The following HUS1 variants were observed in gnomAD, a reference collection of about 807,000 sequenced individuals.
HUS1 encodes HUS1 checkpoint clamp component, also known as checkpoint protein HUS1.
Under a neutral mutation model 32.6 loss-of-function variants are expected in HUS1, and 31 were observed. That is an observed-to-expected ratio of 0.95 (90% CI 0.72 to 1.28). HUS1 has a LOEUF of 1.28. Ranked by LOEUF, HUS1 falls within the 50% of genes most tolerant of loss-of-function variation. The pLI, the probability that HUS1 is intolerant of heterozygous loss-of-function variation, is 0.00. For missense variants in HUS1, 340 were observed against 337.7 expected (o/e 1.01, Z -0.05); for synonymous variants, 123 against 116.6 (o/e 1.06, Z -0.36).
At position 47,979,591 on chromosome 7, in the gene HUS1, C is replaced by A. The variant is rs574652177; in HGVS notation, c.-72G>T. 14 of 1,219,372 alleles carry A rather than the reference C, an allele frequency of 1.1e-5. No homozygotes were observed. Among genetic ancestry groups the A allele is most frequent in the Non-Finnish European group, 1.6e-5 (13 of 830,524 alleles). 75.5% of individuals were successfully genotyped at this position (1,219,372 alleles called of 1,614,324 possible). A position where few individuals can be genotyped will look rare whatever the true frequency, so the allele number is the denominator to read the frequency against. ...AGCGTCGCGCCCTGAGTGTCCCCGC[C>A]CGGAAACACGGCAGCGCGAACAGTG... On this transcript the variant is annotated 5_prime_UTR_variant, in exon 1 of 8. Coordinates refer to ENST00000258774, the MANE Select transcript of HUS1 (RefSeq NM_004507.4).
chr7:47,970,040 T>C (rs899248043), intron 5 of HUS1, among the ~76,000 whole-genome samples: 3 of 151,730 alleles, frequency 2.0e-5, no homozygotes, highest in Non-Finnish European at 1.5e-5. Context: ...AAGACCATCC[T>C]GGCTAACACG....
At chr7:47,973,981 T>C (rs1376830643) in intron 5 of HUS1, among the ~76,000 whole-genome samples, 1 of 152,182 alleles carries the variant, frequency 6.6e-6, no homozygotes, top group Non-Finnish European at 1.5e-5. Flanking sequence ...CAGTCACAGG[T>C]GACACCAACG....
intron 1 of HUS1, 57 bp downstream of exon 1, chr7:47,979,411 G>T (rs1228900101): frequency 1.3e-6 from 2 of 1,495,204 alleles, no homozygotes; most frequent in Non-Finnish European, 1.8e-6. Flanking sequence ...GGTCCCCACC[G>T]CGCGCTCACT....
At position 47,963,561 on chromosome 7, in the gene HUS1, G is replaced by A. The variant is rs1424359726; in HGVS notation, c.*1795C>T. 2 of 152,108 alleles carry A rather than the reference G, an allele frequency of 1.3e-5. No homozygotes were observed. Among genetic ancestry groups the A allele is most frequent in the Admixed American group, 6.5e-5 (1 of 15,284 alleles). The allele number at this position is 152,108 out of a possible 1,614,324, so 9.4% of individuals were successfully genotyped here. A position where few individuals can be genotyped will look rare whatever the true frequency, so the allele number is the denominator to read the frequency against. ...GGAGGAAGGGTTTAAAAATTAAAAC[G>A]GTGTCTTCTAATTTTAAAATGTTAA... On this transcript the variant is annotated 3_prime_UTR_variant, in exon 8 of 8. Coordinates refer to ENST00000258774, the MANE Select transcript of HUS1 (RefSeq NM_004507.4).
At chr7:47,970,598 G>C (rs1214028852) in intron 5 of HUS1, among the ~76,000 whole-genome samples, 2 of 152,182 alleles carry the variant, frequency 1.3e-5, no homozygotes, top group Non-Finnish European at 2.9e-5. Context: ...CACTGGAAAA[G>C]AAATGCTATC....
In HUS1 at chr7:47,964,557, G is replaced by T. The variant is rs1421839164; in HGVS notation, c.*799C>A. On this transcript the variant is annotated 3_prime_UTR_variant, in exon 8 of 8. Transcript: ENST00000258774. Reference sequence around the variant, plus strand: ...AAATATGGTCTCATCACTTAACACAGATGATACCTTAGAAGTTTCGTTTGT... The same window carrying T: ...AAATATGGTCTCATCACTTAACACATATGATACCTTAGAAGTTTCGTTTGT... 6.6e-6 allele frequency: 1 copy of T among 152,184 alleles called. No individual in the cohort carries two copies. The highest frequency in any genetic ancestry group is 1.5e-5 in the Non-Finnish European group (1 of 68,042). 9.4% of individuals were successfully genotyped at this position (152,184 alleles called of 1,614,324 possible). A position where few individuals can be genotyped will look rare whatever the true frequency, so the allele number is the denominator to read the frequency against.
At chr7:47,976,625 T>C in intron 4 of HUS1, 105 bp downstream of exon 4, 4 of 747,816 alleles carry the variant, frequency 5.3e-6, no homozygotes, top group South Asian at 3.0e-5. Flanking sequence ...TTTCGTTAAG[T>C]ATCCTTTAAA....
chr7:47,973,372 C>G (rs1213820159), intron 5 of HUS1, among the ~76,000 whole-genome samples: 1 of 152,210 alleles, frequency 6.6e-6, no homozygotes, highest in Non-Finnish European at 1.5e-5. Flanking sequence ...CCTCCCAAAT[C>G]AGAACCTGCA....
Position 47,975,620 on chromosome 7 carries a change from T to C in HUS1, c.533A>G (p.Asn178Ser). ...AAAGAAGTTGTGACTTACAAGGTGA[T>C]TGCTGATGTTTTTCATTTTTTCCAC... is the stretch of plus-strand genomic sequence containing the variant. ...SVVEKMKNISNHLVIEANLDG... is the reference protein window; with the variant it reads ...SVVEKMKNISSHLVIEANLDG... The change falls in exon 5 of 8, where the codon AAT becomes AGT. Residue 178 changes from asparagine (N) to serine (S), a missense_variant. Physicochemically the swap from Asn to Ser is conservative, Grantham distance 46. Transcript: ENST00000258774. 6.3e-7 allele frequency: 1 copy of C among 1,598,330 alleles called. No individual in the cohort carries two copies. The highest frequency in any genetic ancestry group is 8.6e-7 in the Non-Finnish European group (1 of 1,166,170).
chr7:47,976,390 C>G, intron 4 of HUS1: 1 of 464,120 alleles, frequency 2.2e-6, no homozygotes, highest in Non-Finnish European at 4.3e-6. Context: ...ATCCAGATAT[C>G]GCTCCTGACC....
chr7:47,979,472 G>A lies in HUS1; in HGVS notation c.48C>T (p.Phe16=). 1.2e-6 allele frequency: 2 copies of A among 1,613,480 alleles called. No homozygotes were observed. Among genetic ancestry groups the A allele is most frequent in the South Asian group, 1.1e-5 (1 of 91,082 alleles). The change falls in exon 1 of 8, where the codon TTC becomes TTT. Residue 16 remains phenylalanine (F), a synonymous_variant. Transcript: ENST00000258774. ...KIVDGACLNH[F]TRISNMIAKL... ...CTCTCCGGCCTCCCTGCTCACGTGT[G>A]AAGTGGTTCAGACAGGCCCCGTCCA...
intron 7 of HUS1, 41 bp from the exon 8 acceptor site, chr7:47,965,479 C>T (rs755961307): frequency 1.4e-6 from 2 of 1,389,962 alleles, no homozygotes; most frequent in Non-Finnish European, 2.0e-6. Flanking sequence ...CCTAGTGCAG[C>T]ACACACATTT....
intron 5 of HUS1, among the ~76,000 whole-genome samples, chr7:47,972,103 A>G (rs1439491280): frequency 6.6e-6 from 1 of 152,222 alleles, no homozygotes; most frequent in East Asian, 1.9e-4. Flanking sequence ...AATCTGGAAC[A>G]ATAGTTGACT....
rs3176534 is a variant in HUS1, at chr7:47,975,129, C to T, written c.540+484G>A. On this transcript the variant is annotated intron_variant, in intron 5 of 7. Coordinates refer to ENST00000258774, the MANE Select transcript of HUS1 (RefSeq NM_004507.4). ...GAGATCGAGACCATCCTGGCTAACA[C>T]GGTGAAACCCCGTCTGTACTAAAAA... is the stretch of plus-strand genomic sequence containing the variant. 7.7e-3 allele frequency among the ~76,000 whole-genome samples: 1,152 copies of T among 149,656 alleles called. 21 individuals are homozygous for T. Among genetic ancestry groups the T allele is most frequent in the African/African-American group, 0.027 (1,080 of 40,404 alleles).
In HUS1 at chr7:47,964,751, T is replaced by C. The variant is rs192452261; in HGVS notation, c.*605A>G. ...AGAGCTGTGTTGGCTGGGCCAGCTC[T>C]CTAGGCATCAAGAGGGGAGTGGACT... On this transcript the variant is annotated 3_prime_UTR_variant, in exon 8 of 8. Transcript: ENST00000258774. 2 of 152,454 alleles carry C rather than the reference T, an allele frequency of 1.3e-5. No homozygotes were observed. The highest frequency in any genetic ancestry group is 3.9e-4 in the East Asian group (2 of 5,178). The allele number at this position is 152,454 out of a possible 1,614,324, so 9.4% of individuals were successfully genotyped here.
chr7:47,979,561 A>C lies in HUS1; in HGVS notation c.-42T>G, dbSNP rs1220109862. 2.6e-6 allele frequency: 4 copies of C among 1,538,586 alleles called. No homozygotes were observed. In the South Asian group the frequency reaches 4.5e-5, roughly 17 times the overall value. Reference sequence around the variant, plus strand: ...GCCGCGGCGGGCCTCTGTGGGTAACAGAAAAGCGTCGCGCCCTGAGTGTCC... The same window carrying C: ...GCCGCGGCGGGCCTCTGTGGGTAACCGAAAAGCGTCGCGCCCTGAGTGTCC... On this transcript the variant is annotated 5_prime_UTR_variant, in exon 1 of 8. Coordinates refer to ENST00000258774, the MANE Select transcript of HUS1 (RefSeq NM_004507.4).
rs1277589872 is a variant in HUS1 at position 47,978,449 on chromosome 7, G to A, written c.325C>T (p.His109Tyr). ...RALKIKLTNK[H>Y]FPCLTVSVEL... ...ACGGAGACCGTGAGGCAGGGAAAGT[G>A]TTTATTAGTCAGTTTGATTTTCAAA... is the stretch of plus-strand genomic sequence containing the variant. The change falls in exon 3 of 8, where the codon CAC becomes TAC. Residue 109 changes from histidine to tyrosine, a missense_variant. Physicochemically the swap from His to Tyr is moderately conservative, Grantham distance 83. Transcript: ENST00000258774. 1 of 1,614,126 alleles carries A rather than the reference G, an allele frequency of 6.2e-7. No homozygotes were observed. The highest frequency in any genetic ancestry group is 1.3e-5 in the African/African-American group (1 of 74,936).
rs959024055 is a variant in HUS1, at chr7:47,964,314, G to A, written c.*1042C>T. 2 of 152,296 alleles carry A rather than the reference G, an allele frequency of 1.3e-5. No homozygotes were observed. Among genetic ancestry groups the A allele is most frequent in the African/African-American group, 4.8e-5 (2 of 41,458 alleles). 9.4% of individuals were successfully genotyped at this position (152,296 alleles called of 1,614,324 possible). On this transcript the variant is annotated 3_prime_UTR_variant, in exon 8 of 8. Transcript: ENST00000258774. ...GATGCCTTGAGCCAAGGAGGTCAAT[G>A]CGGTGAGCCATGATTGTGGCACTGC...
intron 5 of HUS1, among the ~76,000 whole-genome samples, chr7:47,974,467 G>T (rs1788657961): frequency 6.6e-6 from 1 of 152,166 alleles, no homozygotes; most frequent in Non-Finnish European, 1.5e-5. Context: ...AAATGGCAAA[G>T]AAACTGAACA....
Sources: gnomAD v4.1 joint callset for allele counts (sites outside exome capture counted in the v4.1 genomes callset) on GRCh38, gnomAD v4.1.1 for gene constraint, MANE v1.5 for transcripts, NCBI Gene and HGNC (gene_info 2026-07-23, HGNC 2026-07-21) for gene names.